Variants in CCSER1 observed in about 807,000 individuals in gnomAD.
CCSER1 encodes coiled-coil serine rich protein 1.
In CCSER1, 41 loss-of-function variants were observed where a neutral mutation model predicts 82.0. The observed-to-expected ratio is 0.50, with a 90% CI of 0.39 to 0.65. CCSER1 has a LOEUF of 0.65. Ranked by LOEUF, CCSER1 falls within the 30% of genes least tolerant of loss-of-function variation. The probability of loss-of-function intolerance (pLI) is 0.00; values close to 1 mark genes in which losing one functional copy is unlikely to be tolerated. For synonymous variants in CCSER1, 414 were observed against 383.9 expected, an observed-to-expected ratio of 1.08 and a Z score of -0.92; for missense variants, 1,119 against 1,064.2, an observed-to-expected ratio of 1.05 and a Z score of -0.72.
chr4:90,643,485 T>C (rs938308639), intron 6 of CCSER1, among the ~76,000 whole-genome samples: 1 of 152,230 alleles, frequency 6.6e-6, no homozygotes, highest in Non-Finnish European at 1.5e-5. Context: ...TAGTTAAATG[T>C]TCTTAGGCAG....
intron 10 of CCSER1, among the ~76,000 whole-genome samples, chr4:91,169,479 G>A (rs1055161670): frequency 1.3e-5 from 2 of 152,126 alleles, no homozygotes; most frequent in African/African-American, 4.8e-5. Flanking sequence ...AAATTAGCCA[G>A]GCATGGTGGC....
chr4:91,167,185 C>CT (rs55920118), intron 10 of CCSER1, among the ~76,000 whole-genome samples: 36,471 of 121,312 alleles, frequency 0.3, 6,480 homozygotes, highest in African/African-American at 0.35. Context: ...AATTGCAATA[C>CT]TTTTTTTTTT....
At chr4:91,228,730 T>A (rs73836884) in intron 10 of CCSER1, among the ~76,000 whole-genome samples, 3,943 of 152,098 alleles carry the variant, frequency 0.026, 173 homozygotes, top group African/African-American at 0.09. Flanking sequence ...CACCTTCACC[T>A]CATAGCAAAA....
intron 8 of CCSER1, among the ~76,000 whole-genome samples, chr4:90,906,026 C>T (rs968331230): frequency 4.6e-5 from 7 of 152,048 alleles, no homozygotes; most frequent in African/African-American, 1.7e-4. Flanking sequence ...TAATAAATTA[C>T]AGATACTCAT....
intron 10 of CCSER1, among the ~76,000 whole-genome samples, chr4:91,322,334 G>GT (rs1283131984): frequency 6.6e-6 from 1 of 151,928 alleles, no homozygotes; most frequent in East Asian, 1.9e-4. Flanking sequence ...GTAAACAATT[G>GT]TAACTATCTG....
intron 6 of CCSER1, among the ~76,000 whole-genome samples, chr4:90,672,884 A>G (rs1733072996): frequency 6.6e-6 from 1 of 152,070 alleles, no homozygotes; most frequent in Non-Finnish European, 1.5e-5. Context: ...TGGAGGAATC[A>G]GACACACACA....
At position 90,309,356 on chromosome 4, in the gene CCSER1, A is replaced by G. The variant is rs1208417584; in HGVS notation, c.1072A>G (p.Thr358Ala). Residue 358 changes from threonine to alanine, a missense_variant, in exon 2 of 11, where the codon ACA becomes GCA. Thr to Ala is a moderately conservative substitution (Grantham distance 58). Transcript: ENST00000509176. ...VLLQIAELPATSVSHSESNLP... is the reference protein window; with the variant it reads ...VLLQIAELPAASVSHSESNLP... ...ATTACAAATTGCTGAACTACCTGCT[A>G]CAAGTGTGAGCCACTCAGAGAGTAA... 4 of 1,613,770 alleles carry G rather than the reference A, an allele frequency of 2.5e-6. No homozygotes were observed. The highest frequency in any genetic ancestry group is 1.3e-5 in the African/African-American group (1 of 74,930).
intron 10 of CCSER1, among the ~76,000 whole-genome samples, chr4:91,414,895 C>T (rs1299316567): frequency 6.6e-6 from 1 of 152,078 alleles, no homozygotes; most frequent in East Asian, 1.9e-4. Flanking sequence ...TAAGTAAGTG[C>T]ATCATATGCA....
chr4:90,239,005 C>T (rs1363624642), intron 1 of CCSER1, among the ~76,000 whole-genome samples: 2 of 152,020 alleles, frequency 1.3e-5, no homozygotes, highest in Non-Finnish European at 2.9e-5. Flanking sequence ...CATCTGCCAC[C>T]ACACCCAGCT....
Position 90,228,320 on chromosome 4 carries a change from C to G in CCSER1, c.-41-79924C>G, listed in dbSNP as rs577902476. On this transcript the variant is annotated intron_variant, in intron 1 of 10. Transcript: ENST00000509176. ...CCTCAAGTGGGTCCCTGACCCCTGA[C>G]CCCCGAGCAGCCTAACTGGGAGGCA... 8.5e-5 allele frequency among the ~76,000 whole-genome samples: 13 copies of G among 152,282 alleles called. No homozygotes were observed. The South Asian group carries it at 2.7e-3, about 32-fold the overall frequency.
intron 10 of CCSER1, among the ~76,000 whole-genome samples, chr4:91,495,961 G>A (rs1758781862): frequency 6.6e-6 from 1 of 151,520 alleles, no homozygotes; most frequent in Non-Finnish European, 1.5e-5. Context: ...TTTAACATAG[G>A]TGATAGTAAA....
chr4:91,316,705 C>T (rs1431065139), intron 10 of CCSER1, among the ~76,000 whole-genome samples: 1 of 152,010 alleles, frequency 6.6e-6, no homozygotes, highest in Non-Finnish European at 1.5e-5. Context: ...TATTCTTCTA[C>T]TCCTGTCTCC....
At chr4:91,066,329 C>CCA (rs1459565731) in intron 9 of CCSER1, among the ~76,000 whole-genome samples, 1 of 152,162 alleles carries the variant, frequency 6.6e-6, no homozygotes, top group Non-Finnish European at 1.5e-5. Context: ...TCAACTGTTG[C>CCA]CAAATGGTCG....
At position 90,300,302 on chromosome 4, in the gene CCSER1, A is replaced by G. The variant is rs10031156; in HGVS notation, c.-41-7942A>G. Among the ~76,000 whole-genome samples the G allele has an allele frequency of 6.0e-3, 917 of 152,272 alleles. 8 individuals are homozygous for G. Among genetic ancestry groups the G allele is most frequent in the African/African-American group, 0.021 (888 of 41,556 alleles). ...TTTTGTTAGGTAGATGATTTTCATA[A>G]CTATTCTAAGAGCTACACCACCATG... On this transcript the variant is annotated intron_variant, in intron 1 of 10. Transcript: ENST00000509176.
At chr4:90,425,289 C>A (rs1757371075) in intron 4 of CCSER1, among the ~76,000 whole-genome samples, 1 of 151,852 alleles carries the variant, frequency 6.6e-6, no homozygotes, top group Non-Finnish European at 1.5e-5. Flanking sequence ...AAGAGCACAG[C>A]AGTTGAAAAT....
intron 5 of CCSER1, among the ~76,000 whole-genome samples, chr4:90,560,347 T>C (rs1778622570): frequency 6.6e-6 from 1 of 151,998 alleles, no homozygotes; most frequent in Non-Finnish European, 1.5e-5. Flanking sequence ...TCTGGAACTG[T>C]AGCCACTCTT....
intron 5 of CCSER1, among the ~76,000 whole-genome samples, chr4:90,563,609 A>G (rs1306613379): frequency 6.6e-6 from 1 of 152,110 alleles, no homozygotes; most frequent in Non-Finnish European, 1.5e-5. Flanking sequence ...GTCCTACATG[A>G]CAGGATTTCA....
At chr4:91,118,311 G>C (rs1412569269) in intron 10 of CCSER1, among the ~76,000 whole-genome samples, 1 of 140,318 alleles carries the variant, frequency 7.1e-6, no homozygotes, top group Non-Finnish European at 1.5e-5. Flanking sequence ...TTTGAGACGA[G>C]GTCTCGTTCT....
intron 10 of CCSER1, among the ~76,000 whole-genome samples, chr4:91,413,905 GA>G (rs886313331): frequency 8.6e-5 from 13 of 150,588 alleles, no homozygotes; most frequent in East Asian, 1.9e-4. Context: ...ATTGCTGAAA[GA>G]AAAAAAAACT....
Sources: gnomAD v4.1 joint callset for allele counts (sites outside exome capture counted in the v4.1 genomes callset) on GRCh38, gnomAD v4.1.1 for gene constraint, MANE v1.5 for transcripts, NCBI Gene and HGNC (gene_info 2026-07-23, HGNC 2026-07-21) for gene names.